Variants in ANKRD30A observed in about 807,000 individuals in gnomAD.
ANKRD30A encodes the protein ankyrin repeat domain 30A.
A neutral mutation model predicts 166.3 loss-of-function variants in ANKRD30A; 170 were observed. The observed-to-expected ratio is 1.02, with a 90% CI of 0.90 to 1.16. The LOEUF (loss-of-function observed/expected upper bound fraction) is 1.16, where lower values mean the gene tolerates loss of function less well. Ranked by LOEUF, ANKRD30A falls within the 50% of genes most tolerant of loss-of-function variation. ANKRD30A has a pLI of 0.00. For missense variants in ANKRD30A, 1,630 were observed against 1,518.0 expected, an observed-to-expected ratio of 1.07 and a Z score of -1.23; for synonymous variants, 564 against 508.9, an observed-to-expected ratio of 1.11 and a Z score of -1.46.
the ANKRD30A span, among the ~76,000 whole-genome samples, chr10:37,260,280 GGTTA>G: frequency 6.6e-6 from 1 of 152,110 alleles, no homozygotes; most frequent in African/African-American, 2.4e-5. Context: ...GCCTTCTTGG[GGTTA>G]GTTTAGCCTG....
chr10:37,147,325 T>C (rs1482189248), intron 8 of ANKRD30A, 45 bp from the exon 9 acceptor site: 4 of 1,409,356 alleles, frequency 2.8e-6, no homozygotes, highest in Non-Finnish European at 9.7e-7. Context: ...TTTTCATGCT[T>C]ATGATTTTAA....
Position 37,163,261 on chromosome 10 carries a change from C to T in ANKRD30A, c.2002+413C>T, listed in dbSNP as rs1246391331. 4.7e-5 allele frequency among the ~76,000 whole-genome samples: 5 copies of T among 105,744 alleles called. No individual in the cohort carries two copies. In the South Asian group the frequency reaches 1.2e-3, roughly 25 times the overall value. The allele number at this position is 105,744 out of a possible 152,430, so 69.4% of individuals were successfully genotyped here. Reference sequence around the variant, plus strand: ...GTTTTAACATGAATTACCTTGTTTCCGGTGTTGTCACTTTGAGAATCCTAA... The same window carrying T: ...GTTTTAACATGAATTACCTTGTTTCTGGTGTTGTCACTTTGAGAATCCTAA... On this transcript the variant is annotated intron_variant, in intron 17 of 35. Coordinates refer to ENST00000361713, the MANE Select transcript of ANKRD30A (RefSeq NM_052997.3).
At chr10:37,190,541 T>C (rs1287726455) in intron 25 of ANKRD30A, among the ~76,000 whole-genome samples, 2 of 151,896 alleles carry the variant, frequency 1.3e-5, no homozygotes, top group East Asian at 3.9e-4. Flanking sequence ...AGGTGTCGAA[T>C]GGGAAGAATC....
At chr10:37,172,271 C>T (rs1487527010) in intron 21 of ANKRD30A, among the ~76,000 whole-genome samples, 1 of 111,126 alleles carries the variant, frequency 9.0e-6, no homozygotes, top group East Asian at 2.2e-4. Flanking sequence ...GGAGCTTGGT[C>T]TGAGTAGCAA....
intron 15 of ANKRD30A, among the ~76,000 whole-genome samples, chr10:37,161,840 A>G (rs1362227840): frequency 2.6e-5 from 4 of 152,210 alleles, no homozygotes; most frequent in African/African-American, 4.8e-5. Context: ...TTTATTATAG[A>G]CTAATGATAC....
chr10:37,219,117 C>A lies in ANKRD30A; in HGVS notation c.3405C>A (p.Asp1135Glu). The part of the protein sequence containing the change: ...YQEKENKYFE[D>E]IKILKEKNAE... ...AAAAGGAAAATAAATACTTTGAGGA[C>A]ATTAAGATTTTAAAAGAAAAGAATG... The change falls in exon 34 of 36, where the codon GAC becomes GAA. Residue 1135 changes from aspartate (D) to glutamate (E), a missense_variant. Transcript: ENST00000361713. The A allele has an allele frequency of 6.2e-7, 1 of 1,609,650 alleles. No homozygotes were observed. The highest frequency in any genetic ancestry group is 8.5e-7 in the Non-Finnish European group (1 of 1,177,072).
chr10:37,160,989 C>T (rs1326354091), intron 15 of ANKRD30A, among the ~76,000 whole-genome samples: 1 of 152,162 alleles, frequency 6.6e-6, no homozygotes, highest in Non-Finnish European at 1.5e-5. Flanking sequence ...TGCGGTGGCT[C>T]ACGCCTGTAA....
At chr10:37,249,761 T>C in the ANKRD30A span, among the ~76,000 whole-genome samples, 2 of 152,164 alleles carry the variant, frequency 1.3e-5, no homozygotes, top group African/African-American at 2.4e-5. Flanking sequence ...AGGAAGGCAG[T>C]TGAAAACTAA....
At chr10:37,219,969 T>C in intron 34 of ANKRD30A, 72 bp downstream of exon 34, 8 of 1,038,120 alleles carry the variant, frequency 7.7e-6, no homozygotes, top group Non-Finnish European at 1.0e-5. Context: ...TGGCCTTGGC[T>C]AAATGCTGAA....
At chr10:37,157,313 T>G (rs1838460614) in intron 13 of ANKRD30A, among the ~76,000 whole-genome samples, 1 of 152,224 alleles carries the variant, frequency 6.6e-6, no homozygotes, top group Non-Finnish European at 1.5e-5. Context: ...TATTGTAACA[T>G]TGAAATATGC....
the ANKRD30A span, among the ~76,000 whole-genome samples, chr10:37,243,270 G>T: frequency 1.3e-5 from 2 of 150,732 alleles, no homozygotes; most frequent in African/African-American, 4.9e-5. Flanking sequence ...GAGTAGCTGG[G>T]ACTACAGGCG....
intron 9 of ANKRD30A, among the ~76,000 whole-genome samples, chr10:37,148,345 A>T (rs1480898204): frequency 6.6e-6 from 1 of 152,136 alleles, no homozygotes; most frequent in Non-Finnish European, 1.5e-5. Flanking sequence ...GAATAAAAAG[A>T]TAAAGAAACA....
intron 5 of ANKRD30A, among the ~76,000 whole-genome samples, chr10:37,134,696 G>A (rs1435303232): frequency 1.3e-5 from 2 of 152,196 alleles, no homozygotes; most frequent in Non-Finnish European, 2.9e-5. Context: ...CACACGTAGT[G>A]AGCAAATTGA....
At chr10:37,151,440 A>G (rs17605778) in intron 11 of ANKRD30A, among the ~76,000 whole-genome samples, 6 of 152,112 alleles carry the variant, frequency 3.9e-5, no homozygotes, top group Admixed American at 1.3e-4. Context: ...GGGAAGAAGT[A>G]TGTCATTGTA....
At chr10:37,218,926 C>A (rs1361963219) in intron 33 of ANKRD30A, 54 bp from the exon 34 acceptor site, 2 of 1,165,266 alleles carry the variant, frequency 1.7e-6, no homozygotes, top group African/African-American at 1.6e-5. Context: ...TCAGAGGAAC[C>A]ATGATATGCC....
At chr10:37,150,608 T>C (rs973471619) in intron 11 of ANKRD30A, among the ~76,000 whole-genome samples, 1 of 152,124 alleles carries the variant, frequency 6.6e-6, no homozygotes. Context: ...GGTTGTACGG[T>C]GTAATGTTCA....
the ANKRD30A span, among the ~76,000 whole-genome samples, chr10:37,246,342 T>C: frequency 6.6e-6 from 1 of 152,232 alleles, no homozygotes; most frequent in Non-Finnish European, 1.5e-5. Context: ...CTTGCATTTG[T>C]CCGATAAACT....
chr10:37,219,565 C>A lies in ANKRD30A; in HGVS notation c.3853C>A (p.Gln1285Lys). 6.2e-7 allele frequency: 1 copy of A among 1,610,186 alleles called. No homozygotes were observed. The highest frequency in any genetic ancestry group is 8.5e-7 in the Non-Finnish European group (1 of 1,177,662). The change falls in exon 34 of 36, where the codon CAA becomes AAA. Residue 1285 changes from glutamine to lysine, a missense_variant. Physicochemically the swap from Gln to Lys is moderately conservative, Grantham distance 53. Around this residue, in one of 4 missense-constraint regions of ANKRD30A, gnomAD observed 712 missense variants for 629.3 expected, o/e 1.13. Coordinates refer to ENST00000361713, the MANE Select transcript of ANKRD30A (RefSeq NM_052997.3). ...RENTLVSEHA[Q>K]RDQRETQCQM... is the part of the protein sequence containing the mutation. ...AAATACATTGGTTTCAGAACATGCA[C>A]AAAGAGACCAACGTGAAACACAGTG...
In ANKRD30A at chr10:37,151,816, T is replaced by A. The variant is rs185618824; in HGVS notation, c.1646-244T>A. On this transcript the variant is annotated intron_variant, in intron 11 of 35. Transcript: ENST00000361713. ...ATATGACTGCTTTATGAAGAAATAA[T>A]CCATACAAGTTAATCAAATTTCTAT... 7.9e-5 allele frequency among the ~76,000 whole-genome samples: 12 copies of A among 152,224 alleles called. No individual in the cohort carries two copies. The East Asian group carries it at 2.1e-3, about 27-fold the overall frequency.
Sources: allele counts gnomAD v4.1 joint callset (sites outside exome capture counted in the v4.1 genomes callset), GRCh38; gene constraint gnomAD v4.1.1; regional missense constraint gnomAD v4.1.1; transcripts MANE v1.5; gene names NCBI Gene and HGNC (gene_info 2026-07-23, HGNC 2026-07-21).